USP32: variants seen among roughly 807,000 people sequenced by gnomAD.
The protein encoded by USP32 is ubiquitin specific peptidase 32.
USP32 carries 59 observed loss-of-function variants against 204.8 expected under a neutral mutation model. The ratio of observed to expected loss-of-function variants is 0.29; its 90% CI spans 0.23 to 0.36. The LOEUF is 0.36. Ranked by LOEUF, USP32 falls within the 10% of genes least tolerant of loss-of-function variation. The pLI is 1.00. For missense variants in USP32, 1,160 were observed against 1,946.4 expected, an observed-to-expected ratio of 0.60 and a Z score of 7.60; for synonymous variants, 517 against 678.4, an observed-to-expected ratio of 0.76 and a Z score of 3.70.
chr17:60,286,202 C>G (rs2145841352), intron 5 of USP32, among the ~76,000 whole-genome samples: 1 of 150,436 alleles, frequency 6.6e-6, no homozygotes, highest in Admixed American at 6.6e-5. Context: ...GAAAGAAGAA[C>G]AGTAGAAATT....
chr17:60,271,548 G>A, intron 5 of USP32, 67 bp from the exon 6 acceptor site: 1 of 1,490,542 alleles, frequency 6.7e-7, no homozygotes. Flanking sequence ...AGTTCATCCT[G>A]ATAATATATC....
intron 12 of USP32, among the ~76,000 whole-genome samples, chr17:60,233,437 G>C (rs1363960985): frequency 1.3e-5 from 2 of 152,090 alleles, no homozygotes; most frequent in Non-Finnish European, 2.9e-5. Flanking sequence ...TCCAGCCTGG[G>C]CAACAAAGGA....
At chr17:60,216,375 C>A (rs1225076975) in intron 16 of USP32, among the ~76,000 whole-genome samples, 2 of 151,420 alleles carry the variant, frequency 1.3e-5, no homozygotes, top group Non-Finnish European at 2.9e-5. Context: ...ATAGTCTTCT[C>A]TGCTGAGGCT....
chr17:60,296,789 AT>A (rs2087440513), intron 3 of USP32, among the ~76,000 whole-genome samples: 1 of 152,222 alleles, frequency 6.6e-6, no homozygotes, highest in African/African-American at 2.4e-5. Context: ...CAAGCCTCAT[AT>A]AAAATGGCAT....
At chr17:60,286,998 A>C (rs1029191471) in intron 5 of USP32, among the ~76,000 whole-genome samples, 1 of 152,014 alleles carries the variant, frequency 6.6e-6, no homozygotes, top group African/African-American at 2.4e-5. Context: ...AAATACAAAA[A>C]ATTTAGCTGC....
chr17:60,267,719 C>T (rs1449717043), intron 7 of USP32, among the ~76,000 whole-genome samples: 1 of 152,058 alleles, frequency 6.6e-6, no homozygotes, highest in Non-Finnish European at 1.5e-5. Flanking sequence ...CAGGGTTTCA[C>T]CATATTGGCC....
intron 2 of USP32, among the ~76,000 whole-genome samples, chr17:60,310,556 G>T (rs2087829869): frequency 6.6e-6 from 1 of 151,864 alleles, no homozygotes; most frequent in South Asian, 2.1e-4. Context: ...AAAATTAGCT[G>T]GGCGTGGTGG....
chr17:60,292,364 T>C (rs2087301394), intron 4 of USP32, among the ~76,000 whole-genome samples: 2 of 152,132 alleles, frequency 1.3e-5, no homozygotes, highest in Admixed American at 6.6e-5. Flanking sequence ...CAGATTTATA[T>C]ATCAAAAATC....
At chr17:60,186,020 T>G (rs2084241806) in intron 29 of USP32, 1 of 167,022 alleles carries the variant, frequency 6.0e-6, no homozygotes, top group Admixed American at 6.1e-5. Context: ...ACCACTGCGC[T>G]CCAGCCTGGA....
Position 60,209,375 on chromosome 17 carries a change from C to T in USP32, c.2593G>A (p.Ala865Thr), listed in dbSNP as rs1285964432. Residue 865 changes from alanine to threonine, a missense_variant, in exon 22 of 34, where the codon GCA (alanine) becomes ACA (threonine). This residue lies in a region of USP32 where 132 missense variants were observed against 432.8 expected (regional missense o/e 0.30). Coordinates refer to ENST00000300896, the MANE Select transcript of USP32 (RefSeq NM_032582.4). Reference sequence around the variant, plus strand: ...GAAACTCAAAACTGACAAACCTCTGCAGCTACTTCCCAGTCTGGTCGCCCA... The same window carrying T: ...GAAACTCAAAACTGACAAACCTCTGTAGCTACTTCCCAGTCTGGTCGCCCA... The part of the protein sequence containing the change: ...SDGRPDWEVA[A>T]EAWDNHLRRN... 6.8e-7 allele frequency: 1 copy of T among 1,468,830 alleles called. No individual in the cohort carries two copies. Among genetic ancestry groups the T allele is most frequent in the Non-Finnish European group, 9.1e-7 (1 of 1,103,456 alleles). 91.0% of individuals were successfully genotyped at this position (1,468,830 alleles called of 1,614,324 possible).
chr17:60,311,300 C>T (rs536715922), intron 2 of USP32, among the ~76,000 whole-genome samples: 1 of 152,248 alleles, frequency 6.6e-6, no homozygotes, highest in East Asian at 1.9e-4. Flanking sequence ...CACTCTTAAA[C>T]ATTTTGTAGC....
chr17:60,419,427 C>T (rs2090087956), intron 1 of USP32, among the ~76,000 whole-genome samples: 1 of 152,030 alleles, frequency 6.6e-6, no homozygotes, highest in African/African-American at 2.4e-5. Context: ...AGGCTTAATA[C>T]CTGGGTAACA....
At chr17:60,303,577 C>G (rs985185052) in intron 2 of USP32, among the ~76,000 whole-genome samples, 9 of 151,600 alleles carry the variant, frequency 5.9e-5, no homozygotes, top group African/African-American at 1.9e-4. Flanking sequence ...GTCTCTATAG[C>G]ACTTAGGGTA....
intron 1 of USP32, among the ~76,000 whole-genome samples, chr17:60,388,553 TAA>T (rs776276542): frequency 7.4e-4 from 112 of 152,066 alleles, no homozygotes; most frequent in Non-Finnish European, 1.5e-3. Flanking sequence ...GGAGGTGAAA[TAA>T]AGAGATGAAG....
At chr17:60,315,698 T>C (rs1401558652) in intron 2 of USP32, 1 of 152,174 alleles carries the variant, frequency 6.6e-6, no homozygotes, top group East Asian at 1.9e-4. Flanking sequence ...AAAAATGTGG[T>C]ATATACACAC....
rs1012892410 is a variant in USP32 at position 60,410,771 on chromosome 17, A to G, written c.106+11475T>C. 1.6e-4 allele frequency among the ~76,000 whole-genome samples: 25 copies of G among 152,050 alleles called. 1 individual carries two copies. The highest frequency in any genetic ancestry group is 1.6e-3 in the Admixed American group (25 of 15,264). On this transcript the variant is annotated intron_variant, in intron 1 of 3. Transcript: ENST00000588898. ...TATAAATCACAAGAGTCAAAAGCAC[A>G]TAACATAGGTTAGAAATAGAAACTG...
At chr17:60,333,454 G>T (rs2088436935) in intron 2 of USP32, among the ~76,000 whole-genome samples, 1 of 152,214 alleles carries the variant, frequency 6.6e-6, no homozygotes, top group South Asian at 2.1e-4. Flanking sequence ...ACAAAAATTA[G>T]CCGGGCATGG....
chr17:60,231,437 A>AACCTAAGG, intron 12 of USP32: 1 of 403,844 alleles, frequency 2.5e-6, no homozygotes, highest in Non-Finnish European at 5.1e-6. Context: ...GCAATTATAA[A>AACCTAAGG]ACCTAAGGAC....
rs142310202 is a variant in USP32, at chr17:60,348,946, T to C, written c.59-3338A>G. ...TGACTATTAGGTACTTTATTTAAAATTGGATTTATAATATTAACATTTGCA... is the reference window on the plus strand; with the variant it reads ...TGACTATTAGGTACTTTATTTAAAACTGGATTTATAATATTAACATTTGCA... On this transcript the variant is annotated intron_variant, in intron 1 of 33. Coordinates refer to ENST00000300896, the MANE Select transcript of USP32 (RefSeq NM_032582.4). Among the ~76,000 whole-genome samples the C allele has an allele frequency of 2.1e-3, 320 of 152,162 alleles. 3 individuals carry two copies. Among genetic ancestry groups the C allele is most frequent in the African/African-American group, 7.4e-3 (307 of 41,526 alleles).
Sources: allele counts gnomAD v4.1 joint callset (sites outside exome capture counted in the v4.1 genomes callset), GRCh38; gene constraint gnomAD v4.1.1; regional missense constraint gnomAD v4.1.1; transcripts MANE v1.5; gene names NCBI Gene and HGNC (gene_info 2026-07-23, HGNC 2026-07-21).